Variants in AURKA observed in about 807,000 individuals in gnomAD.
AURKA encodes the protein aurora 2.
A neutral mutation model predicts 40.9 loss-of-function variants in AURKA; 12 were observed. That is an observed-to-expected ratio of 0.29 (90% CI 0.19 to 0.48). AURKA has a LOEUF of 0.48. Ranked by LOEUF, AURKA falls within the 20% of genes least tolerant of loss-of-function variation. AURKA has a pLI of 0.99. For missense variants in AURKA, 322 were observed against 462.1 expected (o/e 0.70, Z 2.78); for synonymous variants, 170 against 164.3 (o/e 1.03, Z -0.26).
Position 56,388,210 on chromosome 20 carries a change from GA to G in AURKA, c.-5-9del, listed in dbSNP as rs1219190239. On this transcript the variant is annotated splice_polypyrimidine_tract_variant and intron_variant, in intron 1 of 8. Transcript: ENST00000395915. ...TAGATCGGTCCATGATGCCTGAAAA[GA>G]AAAAGAAGAACCTTTAATTTGAACA... The G allele has an allele frequency of 9.7e-7, 1 of 1,035,164 alleles. No individual in the cohort carries two copies. The highest frequency in any genetic ancestry group is 4.2e-5 in the African/African-American group (1 of 23,880). 64.1% of individuals were successfully genotyped at this position (1,035,164 alleles called of 1,614,324 possible).
At chr20:56,382,211 T>C (rs1985806842) in intron 5 of AURKA, among the ~76,000 whole-genome samples, 1 of 151,598 alleles carries the variant, frequency 6.6e-6, no homozygotes, top group Admixed American at 6.6e-5. Flanking sequence ...CCACAGTAGT[T>C]TGACACCCAG....
At chr20:56,371,624 A>ATCCAACCACAGAGACAG (rs550535656) in intron 7 of AURKA, among the ~76,000 whole-genome samples, 18 of 151,850 alleles carry the variant, frequency 1.2e-4, no homozygotes, top group Admixed American at 2.0e-4. Flanking sequence ...CACAGAGACA[A>ATCCAACCACAGAGACAG]TCCAACCACA....
At chr20:56,380,012 C>T (rs1348512294) in intron 6 of AURKA, among the ~76,000 whole-genome samples, 1 of 146,718 alleles carries the variant, frequency 6.8e-6, no homozygotes, top group East Asian at 2.0e-4. Flanking sequence ...CAAAAAAAAA[C>T]CACACACACG....
Position 56,370,300 on chromosome 20 carries a change from C to G in AURKA, c.1070G>C (p.Arg357Thr), listed in dbSNP as rs1199513104. The G allele has an allele frequency of 1.2e-6, 2 of 1,614,222 alleles. No homozygotes were observed. The highest frequency in any genetic ancestry group is 1.7e-6 in the Non-Finnish European group (2 of 1,180,052). The change falls in exon 9 of 9, where the codon AGG (arginine) becomes ACG (threonine). Residue 357 changes from arginine (R) to threonine (T), a missense_variant. Transcript: ENST00000395915. ...CTTCAACAGTCTTGAAATGAGGTCCCTGGCTCCCTCTGTTACAAAGTCAGG... is the reference window on the plus strand; with the variant it reads ...CTTCAACAGTCTTGAAATGAGGTCCGTGGCTCCCTCTGTTACAAAGTCAGG... ...TFPDFVTEGA[R>T]DLISRLLKHN... is the part of the protein sequence containing the mutation.
intron 2 of AURKA, among the ~76,000 whole-genome samples, chr20:56,387,432 G>A (rs368777294): frequency 9.8e-5 from 15 of 152,312 alleles, no homozygotes; most frequent in African/African-American, 3.6e-4. Context: ...GATTACAGGC[G>A]TGAGCCACCG....
intron 6 of AURKA, among the ~76,000 whole-genome samples, chr20:56,378,621 A>G (rs1346518551): frequency 6.6e-6 from 1 of 152,240 alleles, no homozygotes; most frequent in East Asian, 1.9e-4. Flanking sequence ...AAAAACCAGA[A>G]GCAGCCAAGA....
chr20:56,390,177 C>G (rs1986892582), intron 1 of AURKA, among the ~76,000 whole-genome samples: 1 of 152,212 alleles, frequency 6.6e-6, no homozygotes, highest in Non-Finnish European at 1.5e-5. Flanking sequence ...CTCTTCTTGT[C>G]AACCGTGTAC....
chr20:56,383,427 T>C (rs1266170687), intron 4 of AURKA, among the ~76,000 whole-genome samples: 1 of 152,150 alleles, frequency 6.6e-6, no homozygotes, highest in Non-Finnish European at 1.5e-5. Flanking sequence ...TGAAGCACTC[T>C]ATGGGAAATG....
rs1985682241 is a variant in AURKA at position 56,381,357 on chromosome 20, A to G, written c.705+76T>C. 10 of 1,573,244 alleles carry G rather than the reference A, an allele frequency of 6.4e-6. No individual in the cohort carries two copies. The South Asian group carries it at 1.1e-4, about 18-fold the overall frequency. On this transcript the variant is annotated intron_variant, in intron 6 of 8. Transcript: ENST00000395915. ...ACGTCAAGACAAAACCCACTCTACTATGATGAAAGGTACATTGCTATGGAG... is the reference window on the plus strand; with the variant it reads ...ACGTCAAGACAAAACCCACTCTACTGTGATGAAAGGTACATTGCTATGGAG...
intron 5 of AURKA, among the ~76,000 whole-genome samples, chr20:56,381,954 A>G (rs1161106368): frequency 6.6e-6 from 1 of 152,152 alleles, no homozygotes; most frequent in African/African-American, 2.4e-5. Flanking sequence ...TCGCGAGGTC[A>G]GGAGTTCAAG....
intron 1 of AURKA, among the ~76,000 whole-genome samples, chr20:56,389,067 G>C (rs1986730311): frequency 6.6e-6 from 1 of 152,158 alleles, no homozygotes; most frequent in Non-Finnish European, 1.5e-5. Context: ...AGCAGAATCT[G>C]ACAAGGTTGA....
intron 8 of AURKA, 26 bp downstream of exon 8, chr20:56,370,459 C>A: frequency 6.2e-7 from 1 of 1,614,174 alleles, no homozygotes; most frequent in Non-Finnish European, 8.5e-7. Context: ...AGCAGATGTG[C>A]TGGGTCCTTT....
intron 5 of AURKA, among the ~76,000 whole-genome samples, chr20:56,381,989 C>A (rs549645326): frequency 6.6e-6 from 1 of 152,112 alleles, no homozygotes; most frequent in East Asian, 1.9e-4. Flanking sequence ...CATGGTGAAA[C>A]CTCGTCTCTA....
chr20:56,385,763 C>T (rs1232172017), intron 3 of AURKA, among the ~76,000 whole-genome samples: 1 of 152,046 alleles, frequency 6.6e-6, no homozygotes, highest in African/African-American at 2.4e-5. Flanking sequence ...GCCTGGCCTT[C>T]CACAGTAAAC....
chr20:56,389,156 G>C (rs1986737831), intron 1 of AURKA, among the ~76,000 whole-genome samples: 1 of 152,014 alleles, frequency 6.6e-6, no homozygotes, highest in Non-Finnish European at 1.5e-5. Context: ...CTCCTTGCTG[G>C]GTCAGTCTCA....
In AURKA at chr20:56,371,392, G is replaced by GT. The variant is rs375566848; in HGVS notation, c.855-734_855-733insA. 6.7e-3 allele frequency among the ~76,000 whole-genome samples: 1,019 copies of GT among 151,622 alleles called. 4 individuals carry two copies. Among genetic ancestry groups the GT allele is most frequent in the Non-Finnish European group, 0.012 (848 of 67,868 alleles). ...CAGAAGAATGGCGTGAACCCGGGAG[G>GT]CGAGCTTGTAGTGAGCCAAGATCGC... is the stretch of plus-strand genomic sequence containing the variant. On this transcript the variant is annotated intron_variant, in intron 7 of 8. Coordinates refer to ENST00000395915, the MANE Select transcript of AURKA (RefSeq NM_198437.3).
At chr20:56,386,615 T>C in intron 2 of AURKA, 82 bp from the exon 3 acceptor site, 3 of 1,498,006 alleles carry the variant, frequency 2.0e-6, no homozygotes, top group Non-Finnish European at 2.8e-6. Flanking sequence ...AAGTTTGTTC[T>C]CTAGTATAGC....
rs577502843 is a variant in AURKA, at chr20:56,370,402, A to C, written c.1030-62T>G. The C allele has an allele frequency of 5.0e-6, 8 of 1,613,752 alleles. No individual in the cohort carries two copies. In the South Asian group the frequency reaches 7.7e-5, roughly 16 times the overall value. ...AGGTTAGAGAGATCAAATAGTATAG[A>C]TGTTCGGATCTTGGCCTGCAGTTCA... is the stretch of plus-strand genomic sequence containing the variant. On this transcript the variant is annotated intron_variant, in intron 8 of 8. Coordinates refer to ENST00000395915, the MANE Select transcript of AURKA (RefSeq NM_198437.3).
chr20:56,388,223 C>T lies in AURKA; in HGVS notation c.-5-21G>A, dbSNP rs6069718. 2.9e-6 allele frequency: 3 copies of T among 1,051,796 alleles called. No homozygotes were observed. The South Asian group carries it at 6.9e-5, about 24-fold the overall frequency. 65.2% of individuals were successfully genotyped at this position (1,051,796 alleles called of 1,614,324 possible). On this transcript the variant is annotated intron_variant, in intron 1 of 8. Transcript: ENST00000395915. ...GATGCCTGAAAAGAAAAAGAAGAAC[C>T]TTTAATTTGAACAAAGCCACCTGCT...
Sources: allele counts gnomAD v4.1 joint callset (sites outside exome capture counted in the v4.1 genomes callset), GRCh38; gene constraint gnomAD v4.1.1; transcripts MANE v1.5; gene names NCBI Gene and HGNC (gene_info 2026-07-23, HGNC 2026-07-21).